The following MIB2 variants were observed in gnomAD, a reference collection of about 807,000 sequenced individuals.
MIB2 encodes the protein E3 ubiquitin-protein ligase MIB2.
A neutral mutation model predicts 96.6 loss-of-function variants in MIB2; 78 were observed. The ratio of observed to expected loss-of-function variants is 0.81; its 90% CI spans 0.67 to 0.97. The LOEUF is 0.97. MIB2 is among the 50% of genes least tolerant of loss of function. The pLI, the probability that MIB2 is intolerant of heterozygous loss-of-function variation, is 0.00. For synonymous variants in MIB2, 820 were observed against 629.5 expected (o/e 1.30, Z -4.53); for missense variants, 1,543 against 1,424.0 (o/e 1.08, Z -1.35).
rs1643728350 is a variant in MIB2 at position 1,616,634 on chromosome 1, C to T, written c.-23+20C>T. 2 of 1,558,740 alleles carry T rather than the reference C, an allele frequency of 1.3e-6. No homozygotes were observed. Among genetic ancestry groups the T allele is most frequent in the Non-Finnish European group, 8.7e-7 (1 of 1,150,006 alleles). Reference sequence around the variant, plus strand: ...GGACAGGTGAGCTCTTGATCGTCCGCGGCCTGATAGTTTGCACTTGGCTCT... The same window carrying T: ...GGACAGGTGAGCTCTTGATCGTCCGTGGCCTGATAGTTTGCACTTGGCTCT... On this transcript the variant is annotated intron_variant, in intron 2 of 19. Coordinates refer to ENST00000355826, the MANE Select transcript of MIB2 (RefSeq NM_001170687.4).
At position 1,623,790 on chromosome 1, in the gene MIB2, C is replaced by T; in HGVS notation, c.264C>T (p.Asn88=). The change falls in exon 4 of 20, where the codon AAC becomes AAT. Residue 88 remains asparagine (N), a synonymous_variant. Coordinates refer to ENST00000355826, the MANE Select transcript of MIB2 (RefSeq NM_001170687.4). ...CACCCCCAGGCGTCCGGCACCCCAA[C>T]ATCATCTGTGACTGCTGCAAGAAGC... The part of the protein sequence containing the change: ...DNAQIGVRHP[N]IICDCCKKHG... 1 of 1,605,624 alleles carries T rather than the reference C, an allele frequency of 6.2e-7. No homozygotes were observed. Among genetic ancestry groups the T allele is most frequent in the South Asian group, 1.1e-5 (1 of 89,798 alleles).
In MIB2 at chr1:1,628,359, T is replaced by C. The variant is rs1274279206; in HGVS notation, c.1928T>C (p.Leu643Pro). The C allele has an allele frequency of 6.2e-7, 1 of 1,612,694 alleles. No homozygotes were observed. The change falls in exon 15 of 20, where the codon CTC becomes CCC. Residue 643 changes from leucine (L) to proline (P), a missense_variant. Physicochemically the swap from Leu to Pro is moderately conservative, Grantham distance 98 (BLOSUM62 -3). Transcript: ENST00000355826. The part of the protein sequence containing the change: ...DGFTALHLAA[L>P]NNHREVAQIL... ...TTCACGGCGCTGCATCTGGCTGCCC[T>C]CAACAACCACCGCGAGGTGGCCCAG... is the stretch of plus-strand genomic sequence containing the variant.
At chr1:1,624,096 G>A (rs1321136308) in intron 4 of MIB2, 151 bp downstream of exon 4, 20 of 963,330 alleles carry the variant, frequency 2.1e-5, no homozygotes, top group Middle Eastern at 3.3e-4. Flanking sequence ...GTGGTGCCAT[G>A]GGCAGGGCAC....
At position 1,625,584 on chromosome 1, in the gene MIB2, C is replaced by T. The variant is rs754817080; in HGVS notation, c.903C>T (p.Asp301=). 1.3e-5 allele frequency: 20 copies of T among 1,584,988 alleles called. No individual in the cohort carries two copies. Among genetic ancestry groups the T allele is most frequent in the East Asian group, 2.3e-5 (1 of 43,310 alleles). The change falls in exon 8 of 20, where the codon GAC becomes GAT. Residue 301 remains aspartate, a synonymous_variant. Transcript: ENST00000355826. The surrounding 1 kb of genome is among the most constrained non-coding windows in gnomAD (Gnocchi z 5.0). ...CGGGCACCGTGCATCGTATCACGGA[C>T]CGCGGGGACGTGCGCGTGCAGTTCA... ...GQTGTVHRIT[D]RGDVRVQFNH...
intron 2 of MIB2, chr1:1,617,858 G>A (rs1282008853): frequency 1.3e-5 from 2 of 152,236 alleles, no homozygotes; most frequent in Admixed American, 6.5e-5. Context: ...TGTGAACTGT[G>A]GGTAGATGGC....
At chr1:1,617,398 C>T (rs987003776) in intron 2 of MIB2, 10 of 152,298 alleles carry the variant, frequency 6.6e-5, no homozygotes, top group African/African-American at 1.9e-4. Context: ...TCCTCCTACA[C>T]TCTCCTGACT....
At chr1:1,627,240 C>A in intron 11 of MIB2, 33 bp downstream of exon 11, 1 of 1,612,434 alleles carries the variant, frequency 6.2e-7, no homozygotes, top group Non-Finnish European at 8.5e-7. Flanking sequence ...CCATACTGGC[C>A]AGTCTGAGAG....
In MIB2 at chr1:1,628,108, C is replaced by T. The variant is rs1045859435; in HGVS notation, c.1770C>T (p.Asn590=). 6.2e-7 allele frequency: 1 copy of T among 1,613,376 alleles called. No homozygotes were observed. The highest frequency in any genetic ancestry group is 1.1e-5 in the South Asian group (1 of 91,088). The part of the protein sequence containing the change: ...GIVEVLTEVP[N]IDVTATNSQG... ...TCGAGGTCCTCACGGAGGTGCCAAA[C>T]ATCGATGTTACCGCCACCAACAGCC... is the stretch of plus-strand genomic sequence containing the variant. Residue 590 remains asparagine, a synonymous_variant, in exon 14 of 20, where the codon AAC becomes AAT. Transcript: ENST00000355826.
intron 2 of MIB2, chr1:1,623,117 G>A (rs1172933327): frequency 2.0e-6 from 1 of 493,672 alleles, no homozygotes; most frequent in Non-Finnish European, 3.5e-6. Flanking sequence ...AGAGATGGTG[G>A]TTTTCTTCCG....
chr1:1,626,384 C>T lies in MIB2; in HGVS notation c.973-266C>T. On this transcript the variant is annotated intron_variant, in intron 8 of 19. Coordinates refer to ENST00000355826, the MANE Select transcript of MIB2 (RefSeq NM_001170687.4). This position sits in a 1 kb window ranked among gnomAD's most constrained non-coding sequence, Gnocchi z 5.3. ...GCGTACAGCTTCCCAGGGCCAGCCA[C>T]CTCGGCTTCACACCTGCCCAGAGCT... 4.0e-6 allele frequency: 2 copies of T among 502,410 alleles called. No individual in the cohort carries two copies. Among genetic ancestry groups the T allele is most frequent in the South Asian group, 3.3e-5 (1 of 30,276 alleles). The allele number at this position is 502,410 out of a possible 1,614,324, so 31.1% of individuals were successfully genotyped here. A position where few individuals can be genotyped will look rare whatever the true frequency, so the allele number is the denominator to read the frequency against.
intron 2 of MIB2, chr1:1,618,889 C>G (rs1000615266): frequency 2.0e-5 from 3 of 152,666 alleles, no homozygotes; most frequent in Non-Finnish European, 1.5e-5. Context: ...CTGTGGGGGT[C>G]TCATTACTGC....
intron 2 of MIB2, chr1:1,619,312 T>G (rs1644041499): frequency 6.6e-6 from 1 of 152,300 alleles, no homozygotes; most frequent in Admixed American, 6.5e-5. Context: ...GAGGCGGAGC[T>G]TGCAGTGAGC....
chr1:1,614,511 T>A (rs1643427083), upstream of MIB2: 1 of 152,230 alleles, frequency 6.6e-6, no homozygotes, highest in Non-Finnish European at 1.5e-5. Context: ...CGCCCGGCCC[T>A]CTCAGATAGG....
rs1450787104 is a variant in MIB2 at position 1,629,347 on chromosome 1, C to T, written c.2381+36C>T. 19 of 1,440,260 alleles carry T rather than the reference C, an allele frequency of 1.3e-5. 1 individual carries two copies. The East Asian group carries it at 4.7e-4, about 35-fold the overall frequency. 89.2% of individuals were successfully genotyped at this position (1,440,260 alleles called of 1,614,324 possible). The stretch of plus-strand genomic sequence containing the variant: ...GGACGGCGGGGATGGGGTCCGGCGG[C>T]CTCCGGGCCCCTCTCAAGCCGCCTC... On this transcript the variant is annotated intron_variant, in intron 17 of 19. Coordinates refer to ENST00000355826, the MANE Select transcript of MIB2 (RefSeq NM_001170687.4).
Position 1,630,282 on chromosome 1 carries a change from C to G in MIB2, c.2630-10C>G. ...GGCCTCCCAGCTCACACCCGTCCCCCACCCCGCAGACGGCTCTGAGGTGGC... is the reference window on the plus strand; with the variant it reads ...GGCCTCCCAGCTCACACCCGTCCCCGACCCCGCAGACGGCTCTGAGGTGGC... On this transcript the variant is annotated splice_polypyrimidine_tract_variant and intron_variant, in intron 19 of 19. Coordinates refer to ENST00000355826, the MANE Select transcript of MIB2 (RefSeq NM_001170687.4). 3 of 1,461,142 alleles carry G rather than the reference C, an allele frequency of 2.1e-6. No homozygotes were observed. The highest frequency in any genetic ancestry group is 2.7e-6 in the Non-Finnish European group (3 of 1,099,106). The allele number at this position is 1,461,142 out of a possible 1,614,324, so 90.5% of individuals were successfully genotyped here.
At chr1:1,624,451 C>T (rs963749903) in intron 4 of MIB2, among the ~76,000 whole-genome samples, 2 of 152,196 alleles carry the variant, frequency 1.3e-5, no homozygotes, top group African/African-American at 2.4e-5. Flanking sequence ...CTGGGCCTGG[C>T]TGTGCCCCAG....
In MIB2 at chr1:1,630,342, C is replaced by G. The variant is rs769331040; in HGVS notation, c.2680C>G (p.Leu894Val). ...AAPAPGPPRQ[L>V]VEELQSRYRQ... ...CCCCGCCCCCGGCCCGCCGCGCCAG[C>G]TGGTGGAGGAGCTGCAGAGCCGCTA... is the stretch of plus-strand genomic sequence containing the variant. Residue 894 changes from leucine (L) to valine (V), a missense_variant, in exon 20 of 20, where the codon CTG (leucine) becomes GTG (valine). Physicochemically the swap from Leu to Val is conservative, Grantham distance 32. Coordinates refer to ENST00000355826, the MANE Select transcript of MIB2 (RefSeq NM_001170687.4). 2.5e-5 allele frequency: 39 copies of G among 1,534,306 alleles called. No individual in the cohort carries two copies. The highest frequency in any genetic ancestry group is 3.3e-5 in the Non-Finnish European group (38 of 1,142,846).
chr1:1,620,304 G>T (rs560908208), intron 2 of MIB2, among the ~76,000 whole-genome samples: 1 of 152,330 alleles, frequency 6.6e-6, no homozygotes, highest in Non-Finnish European at 1.5e-5. Flanking sequence ...CATGGCATTG[G>T]CTTTTTTGCG....
chr1:1,624,914 A>C lies in MIB2; in HGVS notation c.526+13A>C, dbSNP rs1436422387. On this transcript the variant is annotated intron_variant, in intron 5 of 19. Coordinates refer to ENST00000355826, the MANE Select transcript of MIB2 (RefSeq NM_001170687.4). ...GGCTCACAGGATGGTGAGTGGAGGCAGAGGGGCGGGGTCAGGGCTGGGCTG... is the reference window on the plus strand; with the variant it reads ...GGCTCACAGGATGGTGAGTGGAGGCCGAGGGGCGGGGTCAGGGCTGGGCTG... The C allele has an allele frequency of 1.2e-6, 2 of 1,611,490 alleles. No individual in the cohort carries two copies. Among genetic ancestry groups the C allele is most frequent in the Non-Finnish European group, 1.7e-6 (2 of 1,179,026 alleles).
Sources: allele counts gnomAD v4.1 joint callset (sites outside exome capture counted in the v4.1 genomes callset), GRCh38; gene constraint gnomAD v4.1.1; non-coding constraint Gnocchi (gnomAD v3.1); transcripts MANE v1.5; gene names NCBI Gene and HGNC (gene_info 2026-07-23, HGNC 2026-07-21).